Variants in METTL16 observed in about 807,000 individuals in gnomAD.
The protein encoded by METTL16 is RNA N(6)-adenosine-methyltransferase METTL16.
Under a neutral mutation model 57.9 loss-of-function variants are expected in METTL16, and 19 were observed. That is an observed-to-expected ratio of 0.33 (90% CI 0.23 to 0.48). The LOEUF is 0.48. METTL16 is among the 20% of genes least tolerant of loss of function. The probability of loss-of-function intolerance (pLI) is 0.99; values close to 1 mark genes in which losing one functional copy is unlikely to be tolerated. For missense variants in METTL16, 434 were observed against 691.5 expected, an observed-to-expected ratio of 0.63 and a Z score of 4.18; for synonymous variants, 246 against 255.6, an observed-to-expected ratio of 0.96 and a Z score of 0.36.
chr17:2,511,616 A>G, intron 1 of METTL16, 143 bp downstream of exon 1: 1 of 387,550 alleles, frequency 2.6e-6, no homozygotes. Flanking sequence ...CCGCGTGCGC[A>G]CACACAGCCA....
At position 2,429,198 on chromosome 17, in the gene METTL16, C is replaced by CTTTT. The variant is rs55994674; in HGVS notation, c.889-8298_889-8295dup. ...AAACTGATAAAGCAAAAGAATGAAA[C>CTTTT]TTTTTTTTTTTTTTTTGGAGATGTA... On this transcript the variant is annotated intron_variant, in intron 8 of 9. Transcript: ENST00000263092. Among the ~76,000 whole-genome samples, 840 of 120,340 alleles carry CTTTT rather than the reference C, an allele frequency of 7.0e-3. 26 individuals are homozygous for CTTTT. Among genetic ancestry groups the CTTTT allele is most frequent in the African/African-American group, 0.022 (675 of 30,214 alleles). 78.9% of individuals were successfully genotyped at this position (120,340 alleles called of 152,430 possible). A position where few individuals can be genotyped will look rare whatever the true frequency, so the allele number is the denominator to read the frequency against.
chr17:2,428,577 ATATATATATATATATATATATAT>A (rs2066841626), intron 8 of METTL16, among the ~76,000 whole-genome samples: 1 of 39,740 alleles, frequency 2.5e-5, no homozygotes, highest in Admixed American at 3.5e-4. Flanking sequence ...ATATATATAT[ATATATATATATATATATATATAT>A]ATAAATTGTA....
intron 6 of METTL16, among the ~76,000 whole-genome samples, chr17:2,447,313 C>A (rs1211108955): frequency 4.2e-5 from 6 of 142,898 alleles, no homozygotes; most frequent in Admixed American, 4.0e-4. Flanking sequence ...CCGGCCGCCC[C>A]GTCTGAGAAG....
Position 2,438,216 on chromosome 17 carries a change from A to G in METTL16, c.799-18T>C, listed in dbSNP as rs751481356. ...TTGGGAACCTGAAACCAACAAAGAC[A>G]GCATCTCATCAAACTGCAATCATTC... On this transcript the variant is annotated intron_variant, in intron 7 of 9. Transcript: ENST00000263092. 2.3e-5 allele frequency: 37 copies of G among 1,582,302 alleles called. No individual in the cohort carries two copies. The East Asian group carries it at 2.5e-4, about 11-fold the overall frequency.
chr17:2,481,653 TA>T (rs1447089873), intron 2 of METTL16, among the ~76,000 whole-genome samples: 7 of 152,092 alleles, frequency 4.6e-5, no homozygotes, highest in African/African-American at 1.7e-4. Flanking sequence ...GAAAAAGTAG[TA>T]AACATAAGAG....
At chr17:2,467,169 G>A (rs2067205033) in intron 5 of METTL16, among the ~76,000 whole-genome samples, 1 of 151,998 alleles carries the variant, frequency 6.6e-6, no homozygotes, top group Admixed American at 6.6e-5. Flanking sequence ...TAGGACCTGT[G>A]GATACAGAGA....
intron 6 of METTL16, among the ~76,000 whole-genome samples, chr17:2,446,751 CGTT>C (rs1321279931): frequency 1.3e-5 from 2 of 151,740 alleles, no homozygotes; most frequent in African/African-American, 4.8e-5. Context: ...CACTGGTTCT[CGTT>C]TTTTTTTTGG....
chr17:2,463,690 A>G (rs1019793851), intron 6 of METTL16, among the ~76,000 whole-genome samples: 4 of 151,418 alleles, frequency 2.6e-5, no homozygotes, highest in Non-Finnish European at 5.9e-5. Context: ...TTGAACTCCT[A>G]ACCTTCTGAT....
rs546802502 is a variant in METTL16, at chr17:2,442,202, C to T, written c.729-643G>A. Among the ~76,000 whole-genome samples, 3 of 152,302 alleles carry T rather than the reference C, an allele frequency of 2.0e-5. No homozygotes were observed. In the South Asian group the frequency reaches 6.2e-4, roughly 32 times the overall value. ...TTAGTTACTATGGGAATTGCCCTTC[C>T]ACCATAAACAACCAGGAAACTGGAC... On this transcript the variant is annotated intron_variant, in intron 6 of 9. Coordinates refer to ENST00000263092, the MANE Select transcript of METTL16 (RefSeq NM_024086.4).
intron 6 of METTL16, among the ~76,000 whole-genome samples, chr17:2,461,397 C>T (rs1463316943): frequency 6.6e-6 from 1 of 151,734 alleles, no homozygotes; most frequent in Non-Finnish European, 1.5e-5. Flanking sequence ...CAAACAAAAA[C>T]AGGATATTTG....
chr17:2,453,528 A>G (rs1175580391), intron 6 of METTL16, among the ~76,000 whole-genome samples: 2 of 152,218 alleles, frequency 1.3e-5, no homozygotes, highest in Non-Finnish European at 2.9e-5. Flanking sequence ...GGTGCGTCAC[A>G]TCAGGAGATG....
In METTL16 at chr17:2,438,116, G is replaced by A. The variant is rs1428379579; in HGVS notation, c.881C>T (p.Thr294Ile). 1.9e-6 allele frequency: 3 copies of A among 1,611,878 alleles called. No homozygotes were observed. The highest frequency in any genetic ancestry group is 1.7e-5 in the Admixed American group (1 of 59,994). ...AGCAAGGTCTGTACTTACTGGTACT[G>A]TGACATCATCATAAAAACTCCAAGC... is the stretch of plus-strand genomic sequence containing the variant. ...ALAWSFYDDV[T>I]VPSPPSKRRK... Residue 294 changes from threonine to isoleucine, a missense_variant, in exon 8 of 10, where the codon ACA becomes ATA. Coordinates refer to ENST00000263092, the MANE Select transcript of METTL16 (RefSeq NM_024086.4).
At chr17:2,498,874 G>A (rs2067466234) in intron 2 of METTL16, among the ~76,000 whole-genome samples, 1 of 151,382 alleles carries the variant, frequency 6.6e-6, no homozygotes, top group Admixed American at 6.6e-5. Flanking sequence ...ACCATCCCCA[G>A]CCCACCTCCT....
rs558260986 is a variant in METTL16, at chr17:2,502,753, T to C, written c.1-422A>G. On this transcript the variant is annotated intron_variant, in intron 1 of 9. Coordinates refer to ENST00000263092, the MANE Select transcript of METTL16 (RefSeq NM_024086.4). ...GTTAATAGTTACAGCCAACATGTCT[T>C]TGCCGATCAAGTGAGAAAGTAGAAA... Among the ~76,000 whole-genome samples, 65 of 152,098 alleles carry C rather than the reference T, an allele frequency of 4.3e-4. 1 individual carries two copies. Among genetic ancestry groups the C allele is most frequent in the Admixed American group, 3.2e-3 (49 of 15,260 alleles).
chr17:2,506,703 G>A (rs1191394761), intron 1 of METTL16, among the ~76,000 whole-genome samples: 5 of 152,194 alleles, frequency 3.3e-5, no homozygotes, highest in South Asian at 4.2e-4. Context: ...CTGCCCAGCC[G>A]CCACCCCGTC....
intron 2 of METTL16, among the ~76,000 whole-genome samples, chr17:2,491,060 G>T (rs1157646932): frequency 6.6e-6 from 1 of 152,024 alleles, no homozygotes; most frequent in Non-Finnish European, 1.5e-5. Flanking sequence ...ACTTTTGTTG[G>T]GCAAAGTCAA....
At position 2,496,471 on chromosome 17, in the gene METTL16, T is replaced by G. The variant is rs577385241; in HGVS notation, c.128+5733A>C. Among the ~76,000 whole-genome samples, 4 of 151,664 alleles carry G rather than the reference T, an allele frequency of 2.6e-5. No individual in the cohort carries two copies. The East Asian group carries it at 7.7e-4, about 29-fold the overall frequency. Reference sequence around the variant, plus strand: ...GCACCACTATACCCTGTCAAACATGTTTTTAAAAATTTCTATACTTTTCAA... The same window carrying G: ...GCACCACTATACCCTGTCAAACATGGTTTTAAAAATTTCTATACTTTTCAA... On this transcript the variant is annotated intron_variant, in intron 2 of 9. Transcript: ENST00000263092.
intron 1 of METTL16, among the ~76,000 whole-genome samples, chr17:2,505,803 G>A (rs1274547538): frequency 1.3e-5 from 2 of 151,840 alleles, no homozygotes; most frequent in South Asian, 2.1e-4. Flanking sequence ...CTTCTCCTAT[G>A]TCCACCTGCT....
At chr17:2,441,124 T>TA (rs1169752097) in intron 7 of METTL16, among the ~76,000 whole-genome samples, 1 of 151,966 alleles carries the variant, frequency 6.6e-6, no homozygotes, top group Admixed American at 6.6e-5. Flanking sequence ...TATTCAGCCA[T>TA]AAAAAAGAAT....
Sources: gnomAD v4.1 joint callset for allele counts (sites outside exome capture counted in the v4.1 genomes callset) on GRCh38, gnomAD v4.1.1 for gene constraint, MANE v1.5 for transcripts, NCBI Gene and HGNC (gene_info 2026-07-23, HGNC 2026-07-21) for gene names.